RMND5B: variants seen among roughly 807,000 people sequenced by gnomAD.
RMND5B encodes E3 ubiquitin-protein transferase RMND5B.
Under a neutral mutation model 50.4 loss-of-function variants are expected in RMND5B, and 42 were observed. That is an observed-to-expected ratio of 0.83 (90% CI 0.65 to 1.08). The LOEUF is 1.08. Ranked by LOEUF, RMND5B falls within the 50% of genes least tolerant of loss-of-function variation. RMND5B has a pLI of 0.00. For missense variants in RMND5B, 463 were observed against 508.5 expected (o/e 0.91, Z 0.86); for synonymous variants, 220 against 210.0 (o/e 1.05, Z -0.41).
chr5:178,138,275 G>A lies in RMND5B; in HGVS notation c.139+17G>A. On this transcript the variant is annotated intron_variant, in intron 3 of 10. Transcript: ENST00000313386. This position sits in a 1 kb window ranked among gnomAD's most constrained non-coding sequence, Gnocchi z 5.1. ...CCAGCGCAGGTGGGTGGCCACCCTT[G>A]CAAGTGCCCTGCGACAGCCTCCCTG... 6.2e-7 allele frequency: 1 copy of A among 1,611,458 alleles called. No individual in the cohort carries two copies. Among genetic ancestry groups the A allele is most frequent in the Admixed American group, 1.7e-5 (1 of 59,766 alleles).
rs529696114 is a variant in RMND5B at position 178,148,589 on chromosome 5, C to T, written c.*557C>T. The T allele has an allele frequency of 1.9e-5, 3 of 157,990 alleles. No homozygotes were observed. The East Asian group carries it at 5.6e-4, about 29-fold the overall frequency. 9.8% of individuals were successfully genotyped at this position (157,990 alleles called of 1,614,324 possible). On this transcript the variant is annotated 3_prime_UTR_variant, in exon 11 of 11. Coordinates refer to ENST00000313386, the MANE Select transcript of RMND5B (RefSeq NM_022762.5). ...TCATTTCTCCTGGCCAACCTTTAGC[C>T]TCACTGACAAATTATGACCACATGT... is the stretch of plus-strand genomic sequence containing the variant.
chr5:178,145,257 CG>C (rs1755930510), intron 7 of RMND5B, among the ~76,000 whole-genome samples: 1 of 151,844 alleles, frequency 6.6e-6, no homozygotes, highest in African/African-American at 2.4e-5. Flanking sequence ...GAGGCTGAGG[CG>C]GGTGGATCAT....
rs1756246865 is a variant in RMND5B, at chr5:178,150,461, G to T, written c.*2429G>T. 2.3e-5 allele frequency: 8 copies of T among 354,970 alleles called. No homozygotes were observed. The highest frequency in any genetic ancestry group is 1.5e-4 in the South Asian group (7 of 46,452). The allele number at this position is 354,970 out of a possible 1,614,324, so 22.0% of individuals were successfully genotyped here. A position where few individuals can be genotyped will look rare whatever the true frequency, so the allele number is the denominator to read the frequency against. On this transcript the variant is annotated 3_prime_UTR_variant, in exon 11 of 11. Transcript: ENST00000313386. Reference sequence around the variant, plus strand: ...TGGTGTATGATCATGGCTCACTGCAGCCTTGAACTCCTGGGTTCAAGTGAT... The same window carrying T: ...TGGTGTATGATCATGGCTCACTGCATCCTTGAACTCCTGGGTTCAAGTGAT...
At chr5:178,143,319 C>T (rs573341531) in intron 5 of RMND5B, among the ~76,000 whole-genome samples, 9 of 152,212 alleles carry the variant, frequency 5.9e-5, no homozygotes, top group African/African-American at 1.9e-4. Context: ...CCCTACTGTA[C>T]TAGGAGGATT....
Position 178,142,709 on chromosome 5 carries a change from T to C in RMND5B, c.266T>C (p.Val89Ala), listed in dbSNP as rs768608246. ...GACATTCACAGCAGTGTATCCCGAG[T>C]GGGCAAAGCCATTGACAGGGTGAGC... is the stretch of plus-strand genomic sequence containing the variant. ...HKDIHSSVSRVGKAIDRNFDS... is the reference protein window; with the variant it reads ...HKDIHSSVSRAGKAIDRNFDS... The change falls in exon 4 of 11, where the codon GTG becomes GCG. Residue 89 changes from valine (V) to alanine (A), a missense_variant. By Grantham distance (64) the Val-to-Ala change is moderately conservative (BLOSUM62 0). Coordinates refer to ENST00000313386, the MANE Select transcript of RMND5B (RefSeq NM_022762.5). 6.2e-7 allele frequency: 1 copy of C among 1,614,138 alleles called. No individual in the cohort carries two copies. The highest frequency in any genetic ancestry group is 8.5e-7 in the Non-Finnish European group (1 of 1,180,016).
chr5:178,140,455 ATCCGCTGCACC>A (rs1198385001), intron 3 of RMND5B, among the ~76,000 whole-genome samples: 2 of 151,674 alleles, frequency 1.3e-5, no homozygotes, highest in African/African-American at 4.8e-5. Flanking sequence ...TGGGATTATG[ATCCGCTGCACC>A]TGGCCTGATC....
At chr5:178,143,051 T>C in intron 5 of RMND5B, 59 bp downstream of exon 5, 1 of 1,560,120 alleles carries the variant, frequency 6.4e-7, no homozygotes, top group Non-Finnish European at 8.7e-7. Flanking sequence ...CCTGCTAGTT[T>C]TCACTGTATG....
intron 3 of RMND5B, among the ~76,000 whole-genome samples, chr5:178,139,630 G>A (rs113979730): frequency 2.7e-5 from 4 of 148,780 alleles, no homozygotes; most frequent in Non-Finnish European, 5.9e-5. Flanking sequence ...TGCAACCTCC[G>A]CCTCCCAGGT....
intron 7 of RMND5B, among the ~76,000 whole-genome samples, chr5:178,145,503 A>AC (rs1179601919): frequency 1.3e-5 from 2 of 151,584 alleles, no homozygotes; most frequent in Non-Finnish European, 2.9e-5. Flanking sequence ...AAAAAAAAAA[A>AC]AAAACACACA....
chr5:178,138,145 G>C lies in RMND5B; in HGVS notation c.26G>C (p.Arg9Thr), dbSNP rs1561632186. 1 of 1,609,602 alleles carries C rather than the reference G, an allele frequency of 6.2e-7. No homozygotes were observed. The change falls in exon 3 of 11, where the codon AGA becomes ACA. Residue 9 changes from arginine (R) to threonine (T), a missense_variant. Coordinates refer to ENST00000313386, the MANE Select transcript of RMND5B (RefSeq NM_022762.5). The surrounding 1 kb of genome is among the most constrained non-coding windows in gnomAD (Gnocchi z 5.1). The part of the protein sequence containing the change: MEQCACVE[R>T]ELDKVLQKFL... The stretch of plus-strand genomic sequence containing the variant: ...ATGGAGCAGTGTGCGTGCGTGGAGA[G>C]AGAGCTGGACAAGGTCCTGCAGAAG...
At chr5:178,144,365 A>G (rs561689272) in intron 7 of RMND5B, among the ~76,000 whole-genome samples, 10 of 151,504 alleles carry the variant, frequency 6.6e-5, no homozygotes, top group Non-Finnish European at 1.3e-4. Context: ...GCGCCACACC[A>G]CACTCATTTA....
chr5:178,138,228 G>A lies in RMND5B; in HGVS notation c.109G>A (p.Gly37Ser). The change falls in exon 3 of 11, where the codon GGC becomes AGC. Residue 37 changes from glycine to serine, a missense_variant. By Grantham distance (56) the Gly-to-Ser change is moderately conservative. Coordinates refer to ENST00000313386, the MANE Select transcript of RMND5B (RefSeq NM_022762.5). This position sits in a 1 kb window ranked among gnomAD's most constrained non-coding sequence, Gnocchi z 5.1. ...CCTGGAGGAGCTGCTGCACTACGTGGGCCAGCTGCGGGCTGAGCTGGCCAG... is the reference window on the plus strand; with the variant it reads ...CCTGGAGGAGCTGCTGCACTACGTGAGCCAGCTGCGGGCTGAGCTGGCCAG... ...RSLEELLHYVGQLRAELASAA... is the reference protein window; with the variant it reads ...RSLEELLHYVSQLRAELASAA... 6.2e-7 allele frequency: 1 copy of A among 1,613,780 alleles called. No homozygotes were observed. Among genetic ancestry groups the A allele is most frequent in the Middle Eastern group, 1.7e-4 (1 of 6,056 alleles).
rs1251541867 is a variant in RMND5B at position 178,137,984 on chromosome 5, C to T, written c.-12-124C>T. ...ATAGGTACATATATACATATATGTA[C>T]AAAACATATAACATTGATACATGAT... is the stretch of plus-strand genomic sequence containing the variant. On this transcript the variant is annotated intron_variant, in intron 2 of 10. Transcript: ENST00000313386. This position sits in a 1 kb window ranked among gnomAD's most constrained non-coding sequence, Gnocchi z 4.4. 1 of 887,374 alleles carries T rather than the reference C, an allele frequency of 1.1e-6. No homozygotes were observed. The highest frequency in any genetic ancestry group is 1.8e-5 in the South Asian group (1 of 55,496). The allele number at this position is 887,374 out of a possible 1,614,324, so 55.0% of individuals were successfully genotyped here.
intron 2 of RMND5B, among the ~76,000 whole-genome samples, chr5:178,132,300 G>A (rs551947392): frequency 5.9e-5 from 9 of 152,212 alleles, no homozygotes; most frequent in East Asian, 1.9e-4. Flanking sequence ...ATTTAGCCGG[G>A]TGTGGTGGCA....
Position 178,143,930 on chromosome 5 carries a change from C to T in RMND5B, c.528-12C>T, listed in dbSNP as rs1755836175. 1.2e-6 allele frequency: 2 copies of T among 1,613,802 alleles called. No homozygotes were observed. Among genetic ancestry groups the T allele is most frequent in the Admixed American group, 1.7e-5 (1 of 60,006 alleles). On this transcript the variant is annotated splice_polypyrimidine_tract_variant and intron_variant, in intron 6 of 10. Transcript: ENST00000313386. ...CACCAGCTCTACACTAAACTGGCCC[C>T]TTTCTTCCCAGATGGGCCGTCTCCC...
intron 7 of RMND5B, among the ~76,000 whole-genome samples, chr5:178,144,513 G>A (rs977627706): frequency 1.3e-5 from 2 of 151,766 alleles, no homozygotes; most frequent in Admixed American, 1.3e-4. Flanking sequence ...TTGGGAGGCC[G>A]AGGTGGGCGG....
chr5:178,148,011 T>C lies in RMND5B; in HGVS notation c.1161T>C (p.Asp387=). 6.2e-7 allele frequency: 1 copy of C among 1,614,068 alleles called. No individual in the cohort carries two copies. Among genetic ancestry groups the C allele is most frequent in the Non-Finnish European group, 8.5e-7 (1 of 1,180,020 alleles). The change falls in exon 11 of 11, where the codon GAT becomes GAC. Residue 387 remains aspartate (D), a synonymous_variant. Transcript: ENST00000313386. The part of the protein sequence containing the change: ...PYCPMEQNPA[D]GKRIIF Reference sequence around the variant, plus strand: ...GTCCCATGGAGCAGAACCCGGCAGATGGGAAACGCATCATATTCTGATTCC... The same window carrying C: ...GTCCCATGGAGCAGAACCCGGCAGACGGGAAACGCATCATATTCTGATTCC...
At chr5:178,139,298 C>T (rs1306841876) in intron 3 of RMND5B, among the ~76,000 whole-genome samples, 4 of 151,492 alleles carry the variant, frequency 2.6e-5, no homozygotes, top group African/African-American at 4.8e-5. Flanking sequence ...CTCCACCTCC[C>T]GGGTTCAAGC....
chr5:178,138,251 C>T lies in RMND5B; in HGVS notation c.132C>T (p.Ala44=), dbSNP rs775256195. 1 of 1,613,086 alleles carries T rather than the reference C, an allele frequency of 6.2e-7. No individual in the cohort carries two copies. The highest frequency in any genetic ancestry group is 1.3e-5 in the African/African-American group (1 of 74,924). The change falls in exon 3 of 11, where the codon GCC becomes GCT. Residue 44 remains alanine, a synonymous_variant. Coordinates refer to ENST00000313386, the MANE Select transcript of RMND5B (RefSeq NM_022762.5). This position sits in a 1 kb window ranked among gnomAD's most constrained non-coding sequence, Gnocchi z 5.1. The stretch of plus-strand genomic sequence containing the variant: ...TGGGCCAGCTGCGGGCTGAGCTGGC[C>T]AGCGCAGGTGGGTGGCCACCCTTGC... ...HYVGQLRAEL[A]SAALQGTPLS...
Sources: allele counts gnomAD v4.1 joint callset (sites outside exome capture counted in the v4.1 genomes callset), GRCh38; gene constraint gnomAD v4.1.1; non-coding constraint Gnocchi (gnomAD v3.1); transcripts MANE v1.5; gene names NCBI Gene and HGNC (gene_info 2026-07-23, HGNC 2026-07-21).